The following GLG1 variants were observed in gnomAD, a reference collection of about 807,000 sequenced individuals.
GLG1 encodes golgi glycoprotein 1.
A neutral mutation model predicts 160.5 loss-of-function variants in GLG1; 38 were observed. The ratio of observed to expected loss-of-function variants is 0.24; its 90% CI spans 0.18 to 0.31. GLG1 has a LOEUF of 0.31. Ranked by LOEUF, GLG1 falls within the 10% of genes least tolerant of loss-of-function variation. The probability of loss-of-function intolerance (pLI) is 1.00; values close to 1 mark genes in which losing one functional copy is unlikely to be tolerated. For synonymous variants in GLG1, 644 were observed against 543.4 expected, an observed-to-expected ratio of 1.19 and a Z score of -2.57; for missense variants, 1,373 against 1,505.2, an observed-to-expected ratio of 0.91 and a Z score of 1.45.
chr16:74,532,430 A>G (rs2017567386), intron 1 of GLG1, among the ~76,000 whole-genome samples: 1 of 152,190 alleles, frequency 6.6e-6, no homozygotes, highest in South Asian at 2.1e-4. Flanking sequence ...TGCTAAAGCA[A>G]TAAATAAAGC....
In GLG1 at chr16:74,467,795, G is replaced by A. The variant is rs1157410534; in HGVS notation, c.2490C>T (p.Ile830=). The A allele has an allele frequency of 6.2e-7, 1 of 1,613,422 alleles. No homozygotes were observed. Among genetic ancestry groups the A allele is most frequent in the Non-Finnish European group, 8.5e-7 (1 of 1,179,524 alleles). Residue 830 remains isoleucine, a synonymous_variant, in exon 18 of 26, where the codon ATC becomes ATT. Transcript: ENST00000422840. The stretch of plus-strand genomic sequence containing the variant: ...ATTGCACAGCGGAACAGAAGTTTTT[G>A]ATGTCACTCTTGCAGGCTTCGTATA... ...PDLYEACKSD[I]KNFCSAVQYG...
chr16:74,497,162 G>A (rs1437323798), intron 4 of GLG1, among the ~76,000 whole-genome samples: 3 of 151,746 alleles, frequency 2.0e-5, no homozygotes, highest in East Asian at 3.9e-4. Flanking sequence ...GGTGGTGTGC[G>A]CCTGTAATCC....
rs990946722 is a variant in GLG1 at position 74,540,338 on chromosome 16, A to G, written c.439-8185T>C. ...TAAAATGTAAATTACAAAAACATGT[A>G]ATTTTTTTCTACCGTGTATAAAAAA... On this transcript the variant is annotated intron_variant, in intron 1 of 25. Coordinates refer to ENST00000422840, the MANE Select transcript of GLG1 (RefSeq NM_001145667.2). Among the ~76,000 whole-genome samples the G allele has an allele frequency of 2.0e-5, 3 of 150,070 alleles. No homozygotes were observed. The East Asian group carries it at 5.9e-4, about 30-fold the overall frequency.
chr16:74,480,275 C>T lies in GLG1; in HGVS notation c.1793G>A (p.Arg598Lys). Residue 598 changes from arginine (R) to lysine (K), a missense_variant, in exon 11 of 26, where the codon AGA becomes AAA. This residue lies in a region of GLG1 where 386 missense variants were observed against 388.5 expected (regional missense o/e 0.99). Coordinates refer to ENST00000422840, the MANE Select transcript of GLG1 (RefSeq NM_001145667.2). ...PQGAVFSCLYRHAYRTEEQGR... is the reference protein window; with the variant it reads ...PQGAVFSCLYKHAYRTEEQGR... ...CTGTTCCTCAGTGCGGTAGGCGTGT[C>T]TGTATAAACAAGAGAACACAGCTCC... 1 of 1,612,876 alleles carries T rather than the reference C, an allele frequency of 6.2e-7. No homozygotes were observed. The highest frequency in any genetic ancestry group is 8.5e-7 in the Non-Finnish European group (1 of 1,178,810).
chr16:74,517,696 C>T (rs2017024512), intron 2 of GLG1, among the ~76,000 whole-genome samples: 2 of 152,184 alleles, frequency 1.3e-5, no homozygotes, highest in Admixed American at 1.3e-4. Flanking sequence ...GAAGTTCAGG[C>T]CAGGGCAATC....
At chr16:74,565,759 T>C (rs890268006) in intron 1 of GLG1, among the ~76,000 whole-genome samples, 3 of 152,258 alleles carry the variant, frequency 2.0e-5, no homozygotes, top group African/African-American at 4.8e-5. Context: ...CACAATTAAA[T>C]TCTGTTAAAT....
chr16:74,572,887 C>T (rs951892258), intron 1 of GLG1, among the ~76,000 whole-genome samples: 26 of 152,104 alleles, frequency 1.7e-4, no homozygotes, highest in African/African-American at 5.3e-4. Context: ...TCTGAAGTGA[C>T]GGGCTGTCTT....
intron 11 of GLG1, among the ~76,000 whole-genome samples, chr16:74,479,115 C>G (rs2015505949): frequency 8.1e-6 from 1 of 122,802 alleles, no homozygotes; most frequent in South Asian, 2.8e-4. Context: ...ATCCCAGCTA[C>G]TCGGGAGGCT....
intron 1 of GLG1, among the ~76,000 whole-genome samples, chr16:74,558,025 A>G (rs939733809): frequency 3.3e-5 from 5 of 152,262 alleles, no homozygotes; most frequent in African/African-American, 4.8e-5. Context: ...TAAGGAAAGC[A>G]GTAAAACCCT....
In GLG1 at chr16:74,450,419, T is replaced by A. The variant is rs1204518510; in HGVS notation, c.*2748A>T. 1.3e-5 allele frequency: 2 copies of A among 152,202 alleles called. No homozygotes were observed. Among genetic ancestry groups the A allele is most frequent in the Non-Finnish European group, 2.9e-5 (2 of 68,040 alleles). The allele number at this position is 152,202 out of a possible 1,614,324, so 9.4% of individuals were successfully genotyped here. A position where few individuals can be genotyped will look rare whatever the true frequency, so the allele number is the denominator to read the frequency against. ...GCTGGCCTTGGCACTTAGAAAAACTTGCTCGGGGCCCTGCCTGGGGCTCTC... is the reference window on the plus strand; with the variant it reads ...GCTGGCCTTGGCACTTAGAAAAACTAGCTCGGGGCCCTGCCTGGGGCTCTC... On this transcript the variant is annotated 3_prime_UTR_variant, in exon 26 of 26. Transcript: ENST00000422840.
In GLG1 at chr16:74,467,926, G is replaced by C. The variant is rs2015058454; in HGVS notation, c.2437-78C>G. ...CATATGTTCTGGAGACTTATTTGTTGACTGCATCTTGTCTAGTGACCCTGG... is the reference window on the plus strand; with the variant it reads ...CATATGTTCTGGAGACTTATTTGTTCACTGCATCTTGTCTAGTGACCCTGG... On this transcript the variant is annotated intron_variant, in intron 17 of 25. Transcript: ENST00000422840. 2.0e-5 allele frequency: 18 copies of C among 912,874 alleles called. No individual in the cohort carries two copies. In the South Asian group the frequency reaches 2.7e-4, roughly 14 times the overall value. 56.5% of individuals were successfully genotyped at this position (912,874 alleles called of 1,614,324 possible).
chr16:74,504,233 T>G (rs183474641), intron 3 of GLG1, among the ~76,000 whole-genome samples: 2 of 152,278 alleles, frequency 1.3e-5, no homozygotes, highest in Admixed American at 1.3e-4. Context: ...TAGGCAAACC[T>G]AAGGGCCAAG....
chr16:74,587,024 C>T (rs1235050601), intron 1 of GLG1, among the ~76,000 whole-genome samples: 1 of 151,972 alleles, frequency 6.6e-6, no homozygotes, highest in Admixed American at 6.6e-5. Context: ...ACAAATTCTC[C>T]CCATTCCTTC....
At chr16:74,557,619 T>C (rs1016266728) in intron 1 of GLG1, among the ~76,000 whole-genome samples, 3 of 152,204 alleles carry the variant, frequency 2.0e-5, no homozygotes, top group Non-Finnish European at 4.4e-5. Flanking sequence ...CTCTTGAGAC[T>C]GAGCAGGTAA....
At chr16:74,553,178 C>T (rs1329279708) in intron 1 of GLG1, among the ~76,000 whole-genome samples, 1 of 151,222 alleles carries the variant, frequency 6.6e-6, no homozygotes, top group South Asian at 2.1e-4. Context: ...TGAGATCACG[C>T]CACTGCACTC....
chr16:74,466,019 T>G (rs1487524797), intron 18 of GLG1, among the ~76,000 whole-genome samples: 1 of 152,202 alleles, frequency 6.6e-6, no homozygotes, highest in African/African-American at 2.4e-5. Context: ...AAACTCAGGA[T>G]GACTGGCAGG....
At chr16:74,499,115 A>C (rs1343031024) in intron 4 of GLG1, among the ~76,000 whole-genome samples, 1 of 152,114 alleles carries the variant, frequency 6.6e-6, no homozygotes, top group African/African-American at 2.4e-5. Flanking sequence ...GAGTTAACTA[A>C]CTCATTTGAG....
At chr16:74,511,812 C>T (rs973436656) in intron 2 of GLG1, among the ~76,000 whole-genome samples, 7 of 152,050 alleles carry the variant, frequency 4.6e-5, no homozygotes, top group Admixed American at 2.6e-4. Flanking sequence ...AATGTCTTCA[C>T]CTTTTAATTT....
In GLG1 at chr16:74,447,944, A is replaced by G. The variant is rs1408495033; in HGVS notation, c.*5223T>C. On this transcript the variant is annotated 3_prime_UTR_variant, in exon 26 of 26. Transcript: ENST00000422840. Reference sequence around the variant, plus strand: ...CACTGTCTGAACTTTCCCCTGGCCCAGGGAGATTTCTCCACTGCACACAGC... The same window carrying G: ...CACTGTCTGAACTTTCCCCTGGCCCGGGGAGATTTCTCCACTGCACACAGC... 6.6e-6 allele frequency: 1 copy of G among 152,366 alleles called. No individual in the cohort carries two copies. The highest frequency in any genetic ancestry group is 1.9e-4 in the East Asian group (1 of 5,206). 9.4% of individuals were successfully genotyped at this position (152,366 alleles called of 1,614,324 possible). A position where few individuals can be genotyped will look rare whatever the true frequency, so the allele number is the denominator to read the frequency against.
Sources: gnomAD v4.1 joint callset for allele counts (sites outside exome capture counted in the v4.1 genomes callset) on GRCh38, gnomAD v4.1.1 for gene constraint, gnomAD v4.1.1 regional missense constraint, MANE v1.5 for transcripts, NCBI Gene and HGNC (gene_info 2026-07-23, HGNC 2026-07-21) for gene names.